The following PDE1C variants were observed in gnomAD, a reference collection of about 807,000 sequenced individuals.
PDE1C encodes the protein phosphodiesterase 1C, also known as dual specificity calcium/calmodulin-dependent 3',5'-cyclic nucleotide phosphodiesterase 1C.
PDE1C carries 62 observed loss-of-function variants against 93.1 expected under a neutral mutation model. The ratio of observed to expected loss-of-function variants is 0.67; its 90% CI spans 0.54 to 0.82. The LOEUF (loss-of-function observed/expected upper bound fraction) is 0.82. Ranked by LOEUF, PDE1C falls within the 40% of genes least tolerant of loss-of-function variation. PDE1C has a pLI of 0.00. For synonymous variants in PDE1C, 325 were observed against 310.1 expected, an observed-to-expected ratio of 1.05 and a Z score of -0.50; for missense variants, 742 against 884.6, an observed-to-expected ratio of 0.84 and a Z score of 2.04.
At chr7:31,749,939 T>A (rs999285297), downstream of PDE1C, among the ~76,000 whole-genome samples, 1 of 152,060 alleles carries the variant, frequency 6.6e-6, no homozygotes, top group African/African-American at 2.4e-5. Flanking sequence ...GGTTTCACCA[T>A]ATTGGATAGG....
intron 1 of PDE1C, among the ~76,000 whole-genome samples, chr7:32,219,278 G>C (rs1279156714): frequency 1.3e-5 from 2 of 152,140 alleles, no homozygotes; most frequent in Non-Finnish European, 2.9e-5. Context: ...GTCTGCCCAG[G>C]GAGAGGAAAG....
chr7:31,816,134 C>T lies in PDE1C; in HGVS notation c.1603G>A (p.Ala535Thr), dbSNP rs1469612926. Residue 535 changes from alanine to threonine, a missense_variant, in exon 15 of 18, where the codon GCA (alanine) becomes ACA (threonine). By Grantham distance (58) the Ala-to-Thr change is moderately conservative (BLOSUM62 0). This residue lies in a region of PDE1C where 454 missense variants were observed against 459.4 expected (regional missense o/e 0.99). Coordinates refer to ENST00000396191, the MANE Select transcript of PDE1C (RefSeq NM_001191057.4). ...VPKEEKAKKE[A>T]EEKARLAAEE... ...GCGGCCAGGCGAGCCTTTTCCTCTG[C>T]TTCCTTCTTGGCCTTCTCCTCTGCA... 6.2e-7 allele frequency: 1 copy of T among 1,613,906 alleles called. No homozygotes were observed. The highest frequency in any genetic ancestry group is 1.7e-5 in the Admixed American group (1 of 59,984).
chr7:31,942,880 A>T (rs2129002244), intron 2 of PDE1C, among the ~76,000 whole-genome samples: 1 of 152,308 alleles, frequency 6.6e-6, no homozygotes, highest in Admixed American at 6.5e-5. Context: ...TCTGCTGATA[A>T]GTCAAAGAAT....
At chr7:31,658,266 T>C in the PDE1C span, 13 of 1,502,884 alleles carry the variant, frequency 8.7e-6, no homozygotes, top group African/African-American at 1.4e-5. Flanking sequence ...CATATTCTCT[T>C]ATAGGTGAAT....
At chr7:32,209,339 C>T (rs1805840811) in intron 2 of PDE1C, 2 of 679,584 alleles carry the variant, frequency 2.9e-6, no homozygotes, top group South Asian at 4.1e-5. Flanking sequence ...CCAGCCTGGG[C>T]TCAAGTGGGA....
At chr7:32,225,653 C>T (rs1021674988) in intron 1 of PDE1C, among the ~76,000 whole-genome samples, 5 of 152,262 alleles carry the variant, frequency 3.3e-5, no homozygotes, top group African/African-American at 9.6e-5. Context: ...ATTCCCTCGG[C>T]TCATCTTCAT....
chr7:32,149,815 C>CA (rs144474833), intron 3 of PDE1C, among the ~76,000 whole-genome samples: 1,617 of 152,206 alleles, frequency 0.011, 24 homozygotes, highest in African/African-American at 0.037. Flanking sequence ...ACTTTTATAA[C>CA]AAAAAACTTC....
At chr7:31,859,078 A>G (rs983171326) in intron 7 of PDE1C, among the ~76,000 whole-genome samples, 52 of 150,322 alleles carry the variant, frequency 3.5e-4, no homozygotes, top group African/African-American at 1.1e-3. Flanking sequence ...TAATAAATAT[A>G]TAATGACATA....
At chr7:31,652,663 G>A in the PDE1C span, 1 of 1,613,870 alleles carries the variant, frequency 6.2e-7, no homozygotes. Flanking sequence ...CCCGATGATG[G>A]CCAGGAGGCT....
At chr7:32,229,647 G>C (rs1046923864) in intron 1 of PDE1C, among the ~76,000 whole-genome samples, 2 of 152,318 alleles carry the variant, frequency 1.3e-5, no homozygotes, top group African/African-American at 2.4e-5. Flanking sequence ...AGCTGGAAAA[G>C]ATGTTGGCAA....
At chr7:32,173,652 G>A (rs1485308052) in intron 2 of PDE1C, among the ~76,000 whole-genome samples, 2 of 152,156 alleles carry the variant, frequency 1.3e-5, no homozygotes, top group Non-Finnish European at 2.9e-5. Flanking sequence ...ATGAAGGAGT[G>A]AGAAGCAGTG....
intron 2 of PDE1C, among the ~76,000 whole-genome samples, chr7:31,921,735 T>C (rs1455223333): frequency 6.6e-6 from 1 of 152,218 alleles, no homozygotes; most frequent in Admixed American, 6.5e-5. Flanking sequence ...AAATAAGGCA[T>C]AACCAGATAT....
chr7:32,330,748 G>A (rs916083645), intron 1 of PDE1C, among the ~76,000 whole-genome samples: 2 of 152,172 alleles, frequency 1.3e-5, no homozygotes, highest in African/African-American at 4.8e-5. Flanking sequence ...TCAATGGCAG[G>A]GCATGGGAAC....
intron 2 of PDE1C, among the ~76,000 whole-genome samples, chr7:31,943,459 T>C (rs1170580976): frequency 2.6e-5 from 4 of 152,102 alleles, no homozygotes; most frequent in East Asian, 3.9e-4. Context: ...CCATATTCTA[T>C]TTTTTTATGC....
the PDE1C span, among the ~76,000 whole-genome samples, chr7:31,619,536 A>C: frequency 9.7e-3 from 280 of 28,888 alleles, 1 homozygote; most frequent in Non-Finnish European, 0.022. Context: ...TTCAATCTCC[A>C]AAATTTACCT....
rs555284209 is a variant in PDE1C at position 32,092,020 on chromosome 7, A to G, written c.308+77765T>C. 3.8e-4 allele frequency among the ~76,000 whole-genome samples: 58 copies of G among 152,316 alleles called. No homozygotes were observed. In the South Asian group the frequency reaches 9.7e-3, roughly 26 times the overall value. On this transcript the variant is annotated intron_variant, in intron 3 of 18. Transcript: ENST00000396193. ...CAGATGACTCCAAGGTTTTTGGCCC[A>G]AGGAACAAAACCAACATATGTTCAG...
intron 15 of PDE1C, among the ~76,000 whole-genome samples, chr7:31,815,397 C>A (rs952602541): frequency 1.3e-5 from 2 of 152,116 alleles, no homozygotes; most frequent in South Asian, 4.2e-4. Flanking sequence ...CAGCTTACCC[C>A]AGTTTGCCTG....
At chr7:31,793,067 A>C (rs760960159) in intron 16 of PDE1C, among the ~76,000 whole-genome samples, 26 of 152,056 alleles carry the variant, frequency 1.7e-4, no homozygotes, top group Non-Finnish European at 2.8e-4. Context: ...AGGAGCATAC[A>C]ATCATGTTTC....
At chr7:31,902,401 T>C (rs1800097675) in intron 2 of PDE1C, among the ~76,000 whole-genome samples, 1 of 151,938 alleles carries the variant, frequency 6.6e-6, no homozygotes, top group African/African-American at 2.4e-5. Flanking sequence ...GCTAGGATCA[T>C]AAACAATAGT....
Sources: allele counts gnomAD v4.1 joint callset (sites outside exome capture counted in the v4.1 genomes callset), GRCh38; gene constraint gnomAD v4.1.1; regional missense constraint gnomAD v4.1.1; transcripts MANE v1.5; gene names NCBI Gene and HGNC (gene_info 2026-07-23, HGNC 2026-07-21).